CPT1B: variants seen among roughly 807,000 people sequenced by gnomAD.
CPT1B encodes the protein carnitine O-palmitoyltransferase 1, muscle isoform.
In CPT1B, 57 loss-of-function variants were observed where a neutral mutation model predicts 92.7. That is an observed-to-expected ratio of 0.62 (90% CI 0.50 to 0.77). CPT1B has a LOEUF of 0.77. CPT1B is among the 30% of genes least tolerant of loss of function. CPT1B has a pLI of 0.00. For synonymous variants in CPT1B, 398 were observed against 383.5 expected (o/e 1.04, Z -0.44); for missense variants, 983 against 1,017.4 (o/e 0.97, Z 0.46).
In CPT1B at chr22:50,571,182, C is replaced by T; in HGVS notation, c.1851G>A (p.Gln617=). 1 of 1,614,172 alleles carries T rather than the reference C, an allele frequency of 6.2e-7. No homozygotes were observed. Among genetic ancestry groups the T allele is most frequent in the Non-Finnish European group, 8.5e-7 (1 of 1,180,040 alleles). The change falls in exon 15 of 20, where the codon CAG becomes CAA. Residue 617 remains glutamine, a synonymous_variant. Coordinates refer to ENST00000312108, the MANE Select transcript of CPT1B (RefSeq NM_152246.3). Reference sequence around the variant, plus strand: ...CTGTGTGGGACCCCTCCATCATGGCCTGCACAAAGGCTGTGGACTCGCTGG... The same window carrying T: ...CTGTGTGGGACCCCTCCATCATGGCTTGCACAAAGGCTGTGGACTCGCTGG... The part of the protein sequence containing the change: ...SCTSESTAFV[Q]AMMEGSHTKA...
chr22:50,574,735 C>G (rs942063429), intron 7 of CPT1B, 135 bp from the exon 8 acceptor site: 2 of 670,686 alleles, frequency 3.0e-6, no homozygotes, highest in African/African-American at 1.8e-5. Flanking sequence ...CACATGCTGC[C>G]GGGGTGAACC....
At chr22:50,570,427 G>A in intron 16 of CPT1B, 21 bp from the exon 17 acceptor site, 1 of 1,544,424 alleles carries the variant, frequency 6.5e-7, no homozygotes, top group Non-Finnish European at 8.8e-7. Context: ...GGCCACAGCT[G>A]GTCAGAGGCC....
In CPT1B at chr22:50,574,435, G is replaced by C; in HGVS notation, c.886-16C>G. On this transcript the variant is annotated splice_polypyrimidine_tract_variant and intron_variant, in intron 8 of 19. Coordinates refer to ENST00000312108, the MANE Select transcript of CPT1B (RefSeq NM_152246.3). ...GTGCCATCACCTGAGGGAAGGCCCA[G>C]CATGGCTCAGACTCAGGTCTCCCCT... 6.2e-7 allele frequency: 1 copy of C among 1,613,982 alleles called. No homozygotes were observed. The highest frequency in any genetic ancestry group is 8.5e-7 in the Non-Finnish European group (1 of 1,179,884).
chr22:50,574,174 A>G (rs948612218), intron 9 of CPT1B, among the ~76,000 whole-genome samples, 161 bp downstream of exon 9: 1 of 152,226 alleles, frequency 6.6e-6, no homozygotes, highest in Non-Finnish European at 1.5e-5. Context: ...TCCCTGCGCC[A>G]GCATCATGCC....
rs754629436 is a variant in CPT1B, at chr22:50,570,843, G to A, written c.2028+48C>T. On this transcript the variant is annotated intron_variant, in intron 16 of 19. Transcript: ENST00000312108. ...CATCATGAGATGGCCCAAGCCCTGC[G>A]TGTAGGAGGGCAGTGGGACAAAGGA... The A allele has an allele frequency of 8.8e-6, 14 of 1,595,176 alleles. No individual in the cohort carries two copies. In the African/African-American group the frequency reaches 9.4e-5, roughly 11 times the overall value.
Position 50,573,626 on chromosome 22 carries a change from G to A in CPT1B, c.1060C>T (p.Leu354=). 3 of 1,613,512 alleles carry A rather than the reference G, an allele frequency of 1.9e-6. No homozygotes were observed. The highest frequency in any genetic ancestry group is 2.5e-6 in the Non-Finnish European group (3 of 1,179,984). Residue 354 remains leucine, a synonymous_variant, in exon 10 of 20, where the codon CTG becomes TTG. Transcript: ENST00000312108. The surrounding 1 kb of genome is among the most constrained non-coding windows in gnomAD (Gnocchi z 5.0). ...FKLWLYEGAR[L]LKPQDLEMQF... is the part of the protein sequence containing the mutation. ...ATCTCCAGATCCTGAGGCTTGAGCA[G>A]ACGGGCGCCCTCATAGAGCCACAGC...
chr22:50,573,144 G>T lies in CPT1B; in HGVS notation c.1167-84C>A, dbSNP rs2070262609. The T allele has an allele frequency of 3.2e-6, 4 of 1,238,956 alleles. No homozygotes were observed. Among genetic ancestry groups the T allele is most frequent in the Non-Finnish European group, 3.4e-6 (3 of 887,642 alleles). 76.7% of individuals were successfully genotyped at this position (1,238,956 alleles called of 1,614,324 possible). ...AGGGCCTGGCTGGACCTGGAGATGG[G>T]GGTGGGGTGCCAGGCTGGACCTGGA... On this transcript the variant is annotated intron_variant, in intron 10 of 19. Coordinates refer to ENST00000312108, the MANE Select transcript of CPT1B (RefSeq NM_152246.3). The surrounding 1 kb of genome is among the most constrained non-coding windows in gnomAD (Gnocchi z 5.0).
chr22:50,577,436 C>A lies in CPT1B; in HGVS notation c.169G>T (p.Gly57Cys). The change falls in exon 3 of 20, where the codon GGC becomes TGC. Residue 57 changes from glycine to cysteine, a missense_variant. By Grantham distance (159) the Gly-to-Cys change is radical. Coordinates refer to ENST00000312108, the MANE Select transcript of CPT1B (RefSeq NM_152246.3). ...KNGILRGVYP[G>C]SPTSWLVVIM... is the part of the protein sequence containing the mutation. ...ACGACCAGCCAGCTGGTGGGGCTGC[C>A]AGGGTACACGCCCCTGAGGATGCCA... The A allele has an allele frequency of 6.2e-7, 1 of 1,613,792 alleles. No individual in the cohort carries two copies. The highest frequency in any genetic ancestry group is 8.5e-7 in the Non-Finnish European group (1 of 1,179,990).
chr22:50,572,732 G>C, intron 11 of CPT1B, 143 bp downstream of exon 11: 1 of 870,068 alleles, frequency 1.1e-6, no homozygotes, highest in East Asian at 2.6e-5. Flanking sequence ...TGATCCACCT[G>C]CCTTGGCCCC....
At chr22:50,572,410 C>T (rs939637221) in intron 11 of CPT1B, 102 bp from the exon 12 acceptor site, 33 of 682,472 alleles carry the variant, frequency 4.8e-5, no homozygotes, top group Middle Eastern at 2.6e-4. Flanking sequence ...CCTATTCTCT[C>T]TCTCTTTTTC....
chr22:50,569,342 C>G lies in CPT1B; in HGVS notation c.2315G>C (p.Ser772Thr), dbSNP rs772795236. The change falls in exon 19 of 20, where the codon AGC (serine) becomes ACC (threonine). Residue 772 changes from serine (S) to threonine (T), a missense_variant. Transcript: ENST00000312108. ...CAGCTGGCATTTCTCCAACCTTCAG[C>G]TGTAGGCCTTGGGAACTTGGAAAAG... ...ADLFQVPKAYS is the reference protein window; with the variant it reads ...ADLFQVPKAYT 73 of 1,613,952 alleles carry G rather than the reference C, an allele frequency of 4.5e-5. No homozygotes were observed. The highest frequency in any genetic ancestry group is 5.3e-5 in the Non-Finnish European group (63 of 1,180,002).
At chr22:50,578,049 G>T in intron 1 of CPT1B, 115 bp from the exon 2 acceptor site, 4 of 596,098 alleles carry the variant, frequency 6.7e-6, no homozygotes, top group Non-Finnish European at 8.9e-6. Flanking sequence ...CGCGACTAGC[G>T]GCTGCCCCCG....
In CPT1B at chr22:50,577,847, G is replaced by A. The variant is rs374584918; in HGVS notation, c.69C>T (p.Leu23=). Residue 23 remains leucine (L), a synonymous_variant, in exon 2 of 20, where the codon CTC becomes CTT. Transcript: ENST00000312108. The part of the protein sequence containing the change: ...TVTPDGVDFR[L]SREALKHVYL... Reference sequence around the variant, plus strand: ...AGACGTGTTTCAGGGCCTCCCGACTGAGCCGGAAGTCGACCCCGTCTGGGG... The same window carrying A: ...AGACGTGTTTCAGGGCCTCCCGACTAAGCCGGAAGTCGACCCCGTCTGGGG... The A allele has an allele frequency of 5.0e-6, 8 of 1,613,634 alleles. No homozygotes were observed. The highest frequency in any genetic ancestry group is 2.7e-5 in the African/African-American group (2 of 74,952).
At chr22:50,576,428 A>G (rs764143353) in intron 5 of CPT1B, 93 bp from the exon 6 acceptor site, 56 of 1,605,394 alleles carry the variant, frequency 3.5e-5, no homozygotes, top group Non-Finnish European at 4.3e-5. Flanking sequence ...ACCCAGCCCC[A>G]TTATTCTCAA....
chr22:50,577,792 G>A lies in CPT1B; in HGVS notation c.124C>T (p.Arg42Cys). ...GTGCGCACCTTGATGCGGATCAGGCGTTTCTTCCAGGAGTTGATCCCAGAC... is the reference window on the plus strand; with the variant it reads ...GTGCGCACCTTGATGCGGATCAGGCATTTCTTCCAGGAGTTGATCCCAGAC... ...YLSGINSWKK[R>C]LIRIKNGILR... Residue 42 changes from arginine to cysteine, a missense_variant, in exon 2 of 20, where the codon CGC becomes TGC. Physicochemically the swap from Arg to Cys is radical, Grantham distance 180 (BLOSUM62 -3). Transcript: ENST00000312108. 6.2e-7 allele frequency: 1 copy of A among 1,613,828 alleles called. No individual in the cohort carries two copies. Among genetic ancestry groups the A allele is most frequent in the South Asian group, 1.1e-5 (1 of 91,092 alleles).
chr22:50,576,868 T>C lies in CPT1B; in HGVS notation c.448A>G (p.Arg150Gly). 6.2e-7 allele frequency: 1 copy of C among 1,613,954 alleles called. No individual in the cohort carries two copies. The highest frequency in any genetic ancestry group is 1.1e-5 in the South Asian group (1 of 91,090). The change falls in exon 4 of 20, where the codon AGG (arginine) becomes GGG (glycine). Residue 150 changes from arginine (R) to glycine (G), a missense_variant. Arg to Gly is a moderately radical substitution (Grantham distance 125, BLOSUM62 -2). Coordinates refer to ENST00000312108, the MANE Select transcript of CPT1B (RefSeq NM_152246.3). ...TGGCTGCTGCTCACAGCCCAGATCC[T>C]GGTCAAGTTGCTGGTCTTGCCATGC... is the stretch of plus-strand genomic sequence containing the variant. ...EMHGKTSNLT[R>G]IWAMCIRLLS...
Position 50,570,980 on chromosome 22 carries a change from C to T in CPT1B, c.1939G>A (p.Ala647Thr), listed in dbSNP as rs1171155416. 3.1e-6 allele frequency: 5 copies of T among 1,614,054 alleles called. No individual in the cohort carries two copies. The highest frequency in any genetic ancestry group is 2.2e-5 in the East Asian group (1 of 44,882). The part of the protein sequence containing the change: ...AKKHQNMYRL[A>T]MTGAGIDRHL... ...CTGTCGATCCCTGCCCCGGTCATGGCCAGGCGGTACATATTCTGGTGCTTC... is the reference window on the plus strand; with the variant it reads ...CTGTCGATCCCTGCCCCGGTCATGGTCAGGCGGTACATATTCTGGTGCTTC... The change falls in exon 16 of 20, where the codon GCC (alanine) becomes ACC (threonine). Residue 647 changes from alanine to threonine, a missense_variant. Transcript: ENST00000312108.
At position 50,572,266 on chromosome 22, in the gene CPT1B, G is replaced by A. The variant is rs1442815292; in HGVS notation, c.1395C>T (p.Gly465=). The change falls in exon 12 of 20, where the codon GGC becomes GGT. Residue 465 remains glycine (G), a synonymous_variant. Coordinates refer to ENST00000312108, the MANE Select transcript of CPT1B (RefSeq NM_152246.3). Reference sequence around the variant, plus strand: ...CATGCTCTGCATTGAGACCCAACTGGCCATTCTTGAAGGAAATGAGAGTGA... The same window carrying A: ...CATGCTCTGCATTGAGACCCAACTGACCATTCTTGAAGGAAATGAGAGTGA... ...KSFTLISFKN[G]QLGLNAEHAW... The A allele has an allele frequency of 3.1e-6, 5 of 1,613,928 alleles. No individual in the cohort carries two copies. The highest frequency in any genetic ancestry group is 3.4e-6 in the Non-Finnish European group (4 of 1,179,918).
At chr22:50,577,141 C>T in intron 3 of CPT1B, 107 bp from the exon 4 acceptor site, 2 of 1,424,828 alleles carry the variant, frequency 1.4e-6, no homozygotes, top group Non-Finnish European at 1.9e-6. Flanking sequence ...CCTGGGCACA[C>T]TCATGTCTGA....
Sources: allele counts gnomAD v4.1 joint callset (sites outside exome capture counted in the v4.1 genomes callset), GRCh38; gene constraint gnomAD v4.1.1; non-coding constraint Gnocchi (gnomAD v3.1); transcripts MANE v1.5; gene names NCBI Gene and HGNC (gene_info 2026-07-23, HGNC 2026-07-21).